Variants in CUL2 observed in about 807,000 individuals in gnomAD.
CUL2 encodes cullin-2.
CUL2 carries 22 observed loss-of-function variants against 110.2 expected under a neutral mutation model. The ratio of observed to expected loss-of-function variants is 0.20; its 90% confidence interval spans 0.14 to 0.28. CUL2 has a LOEUF of 0.28. Among genes scored for constraint, CUL2 ranks in the 10% least tolerant of loss-of-function variants. The probability of loss-of-function intolerance (pLI) is 1.00; values close to 1 mark genes in which losing one functional copy is unlikely to be tolerated. For missense variants in CUL2, 631 were observed against 905.5 expected, an observed-to-expected ratio of 0.70 and a Z score of 3.89; for synonymous variants, 279 against 293.2, an observed-to-expected ratio of 0.95 and a Z score of 0.49.
At chr10:35,106,547 T>C (rs1466498872) in intron 1 of CUL2, among the ~76,000 whole-genome samples, 1 of 151,666 alleles carries the variant, frequency 6.6e-6, no homozygotes, top group East Asian at 1.9e-4. Context: ...TTAGCCAGGA[T>C]GGTCTCAATC....
At chr10:35,115,224 C>G (rs1050472696) in intron 1 of CUL2, among the ~76,000 whole-genome samples, 2 of 150,738 alleles carry the variant, frequency 1.3e-5, no homozygotes, top group African/African-American at 4.9e-5. Flanking sequence ...GGCAACACAG[C>G]AAGATTCTGT....
chr10:35,111,242 T>C (rs1434045815), intron 1 of CUL2, among the ~76,000 whole-genome samples: 1 of 152,072 alleles, frequency 6.6e-6, no homozygotes, highest in East Asian at 1.9e-4. Context: ...GAATCACTCT[T>C]CTCTTATGAG....
chr10:35,042,398 T>G (rs1336060755), intron 8 of CUL2, among the ~76,000 whole-genome samples: 1 of 152,192 alleles, frequency 6.6e-6, no homozygotes, highest in Non-Finnish European at 1.5e-5. Flanking sequence ...CATCTGTGGT[T>G]CCTGGTTCAT....
intron 9 of CUL2, among the ~76,000 whole-genome samples, chr10:35,035,781 G>A (rs1369050101): frequency 6.6e-6 from 1 of 152,154 alleles, no homozygotes; most frequent in Non-Finnish European, 1.5e-5. Context: ...TGCAATATAA[G>A]TTCCCAAAAG....
intron 1 of CUL2, among the ~76,000 whole-genome samples, chr10:35,115,536 G>A (rs1293536492): frequency 6.6e-6 from 1 of 151,574 alleles, no homozygotes; most frequent in East Asian, 1.9e-4. Flanking sequence ...CTCTAGCCTG[G>A]GTGACAGAGC....
chr10:35,015,245 A>G (rs1357871579), intron 18 of CUL2, among the ~76,000 whole-genome samples: 1 of 151,500 alleles, frequency 6.6e-6, no homozygotes, highest in East Asian at 1.9e-4. Flanking sequence ...GTGAGCCAAG[A>G]TCACGCCATT....
chr10:35,033,322 T>C (rs2085525624), intron 10 of CUL2, 49 bp from the exon 11 acceptor site: 1 of 1,257,668 alleles, frequency 8.0e-7, no homozygotes, highest in Non-Finnish European at 1.2e-6. Flanking sequence ...GGTTCAAGGA[T>C]ATCCAAACTA....
intron 16 of CUL2, among the ~76,000 whole-genome samples, chr10:35,025,848 A>C (rs1030682326): frequency 2.6e-5 from 4 of 152,248 alleles, no homozygotes; most frequent in African/African-American, 9.6e-5. Context: ...TGAAAAAGAT[A>C]AAAACTCAAT....
chr10:35,060,975 A>G lies in CUL2; in HGVS notation c.223-7T>C, dbSNP rs1314725567. ...CTTCTGACTCCAAAACTCTCTATAT[A>G]AAGAGGAAAAATATTTTTACTTGAA... is the stretch of plus-strand genomic sequence containing the variant. On this transcript the variant is annotated splice_region_variant and splice_polypyrimidine_tract_variant and intron_variant, in intron 3 of 20. Transcript: ENST00000374749. The G allele has an allele frequency of 1.3e-6, 2 of 1,599,768 alleles. No homozygotes were observed. The highest frequency in any genetic ancestry group is 1.1e-5 in the South Asian group (1 of 87,756).
At position 35,031,746 on chromosome 10, in the gene CUL2, G is replaced by A. The variant is rs1254279881; in HGVS notation, c.1171-127C>T. The stretch of plus-strand genomic sequence containing the variant: ...ATTTTTGCTGTTTTTTTTAGAGACC[G>A]GGTCTTGCTCTGTTGCCAGGCTGGA... On this transcript the variant is annotated intron_variant, in intron 12 of 20. Transcript: ENST00000374749. This position sits in a 1 kb window ranked among gnomAD's most constrained non-coding sequence, Gnocchi z 4.4. 10 of 943,168 alleles carry A rather than the reference G, an allele frequency of 1.1e-5. No homozygotes were observed. In the East Asian group the frequency reaches 1.5e-4, roughly 14 times the overall value. The allele number at this position is 943,168 out of a possible 1,614,324, so 58.4% of individuals were successfully genotyped here.
chr10:35,016,449 ATTTACTTTATT>A, intron 17 of CUL2, 55 bp from the exon 18 acceptor site: 1 of 1,324,590 alleles, frequency 7.5e-7, no homozygotes, highest in Non-Finnish European at 1.0e-6. Flanking sequence ...AACATTTCAA[ATTTACTTTATT>A]TCAGACATTT....
chr10:35,104,153 G>A (rs925942295), intron 1 of CUL2, among the ~76,000 whole-genome samples: 2 of 152,148 alleles, frequency 1.3e-5, no homozygotes, highest in African/African-American at 4.8e-5. Flanking sequence ...GGGTCCATAA[G>A]ATGACACCAG....
rs947091065 is a variant in CUL2, at chr10:35,009,242, T to C, written c.*1069A>G. The C allele has an allele frequency of 9.5e-5, 14 of 147,926 alleles. No homozygotes were observed. The highest frequency in any genetic ancestry group is 2.1e-4 in the South Asian group (1 of 4,726). The allele number at this position is 147,926 out of a possible 1,614,324, so 9.2% of individuals were successfully genotyped here. Reference sequence around the variant, plus strand: ...ATATAAAATAAACAAAATAATGGGATTTATATATGTGGCACCCAGTACAAT... The same window carrying C: ...ATATAAAATAAACAAAATAATGGGACTTATATATGTGGCACCCAGTACAAT... On this transcript the variant is annotated 3_prime_UTR_variant, in exon 21 of 21. Transcript: ENST00000374749.
At chr10:35,051,129 C>G (rs555208784) in intron 5 of CUL2, among the ~76,000 whole-genome samples, 16 of 151,598 alleles carry the variant, frequency 1.1e-4, no homozygotes, top group Admixed American at 3.3e-4. Flanking sequence ...TCCTGGCTAA[C>G]AGGGTGAAAC....
At position 35,039,045 on chromosome 10, in the gene CUL2, C is replaced by T. The variant is rs776838610; in HGVS notation, c.752G>A (p.Arg251Gln). Residue 251 changes from arginine (R) to glutamine (Q), a missense_variant, in exon 9 of 21, where the codon CGA (arginine) becomes CAA (glutamine). Physicochemically the swap from Arg to Gln is conservative, Grantham distance 43. This residue lies in a region of CUL2 where 338 missense variants were observed against 442.5 expected (regional missense o/e 0.76). Transcript: ENST00000374749. ...ATATGAACTTGGATGTAGGTATTTT[C>T]GACATCGAATTTCTTCATCTTTTAA... ...GRLKDEEIRC[R>Q]KYLHPSSYTK... 25 of 1,604,258 alleles carry T rather than the reference C, an allele frequency of 1.6e-5. No homozygotes were observed. The highest frequency in any genetic ancestry group is 1.7e-5 in the Non-Finnish European group (20 of 1,174,764).
At chr10:35,092,481 A>G (rs1379997669), upstream of CUL2, among the ~76,000 whole-genome samples, 2 of 152,210 alleles carry the variant, frequency 1.3e-5, no homozygotes, top group African/African-American at 4.8e-5. Context: ...GCCCTTGAAT[A>G]CAAGTCTTTC....
intron 1 of CUL2, among the ~76,000 whole-genome samples, chr10:35,082,724 T>A (rs2086972849): frequency 6.6e-6 from 1 of 152,192 alleles, no homozygotes. Flanking sequence ...AAATACTATT[T>A]TTGGTTCAGA....
chr10:35,065,436 T>C (rs781442294), intron 2 of CUL2, among the ~76,000 whole-genome samples: 6 of 152,048 alleles, frequency 3.9e-5, no homozygotes, highest in Admixed American at 6.6e-5. Context: ...CTGGCTAACA[T>C]GGTGAAACCC....
chr10:35,031,430 T>C lies in CUL2; in HGVS notation c.1300-44A>G. ...TAAAAGATTACTTCCTTTCTAATGA[T>C]TTAGCATTCAGAAATAAAGTTGACC... On this transcript the variant is annotated intron_variant, in intron 13 of 20. Coordinates refer to ENST00000374749, the MANE Select transcript of CUL2 (RefSeq NM_003591.4). The surrounding 1 kb of genome is among the most constrained non-coding windows in gnomAD (Gnocchi z 4.4). 6.3e-7 allele frequency: 1 copy of C among 1,598,402 alleles called. No individual in the cohort carries two copies. The highest frequency in any genetic ancestry group is 8.5e-7 in the Non-Finnish European group (1 of 1,170,544).
Sources: gnomAD v4.1 joint callset for allele counts (sites outside exome capture counted in the v4.1 genomes callset) on GRCh38, gnomAD v4.1.1 for gene constraint, gnomAD v4.1.1 regional missense constraint, Gnocchi (gnomAD v3.1) non-coding constraint, MANE v1.5 for transcripts, NCBI Gene and HGNC (gene_info 2026-07-23, HGNC 2026-07-21) for gene names.